Variants in GRIA3 observed in about 807,000 individuals in gnomAD.
GRIA3 encodes glutamate ionotropic receptor AMPA type subunit 3.
A neutral mutation model predicts 63.0 loss-of-function variants in GRIA3; 3 were observed. The observed-to-expected ratio is 0.05, with a 90% CI of 0.02 to 0.12. GRIA3 has a LOEUF of 0.12. Among genes scored for constraint, GRIA3 ranks in the 10% least tolerant of loss-of-function variants. The pLI, the probability that GRIA3 is intolerant of heterozygous loss-of-function variation, is 1.00. For synonymous variants in GRIA3, 274 were observed against 257.9 expected (o/e 1.06, Z -0.60); for missense variants, 347 against 700.9 (o/e 0.50, Z 5.70).
At chrX:123,298,124 A>G (rs752001346) in intron 3 of GRIA3, among the ~76,000 whole-genome samples, 6 of 110,864 alleles carry the variant, frequency 5.4e-5, no homozygotes, top group African/African-American at 9.8e-5. Context: ...TCTTTATCCA[A>G]TCTCTCTTTG....
At chrX:123,350,296 C>A (rs1264901839) in intron 4 of GRIA3, among the ~76,000 whole-genome samples, 1 of 104,708 alleles carries the variant, frequency 9.6e-6, no homozygotes, top group African/African-American at 3.5e-5. Flanking sequence ...ATACATAGAT[C>A]CTTTTTTGGC....
intron 11 of GRIA3, among the ~76,000 whole-genome samples, chrX:123,422,602 A>G (rs73553795): frequency 0.019 from 2,142 of 112,135 alleles, 51 homozygotes; most frequent in African/African-American, 0.064. Flanking sequence ...CACTAGATTC[A>G]CAATCTGCTT....
intron 5 of GRIA3, among the ~76,000 whole-genome samples, chrX:123,368,774 A>G (rs767465970): frequency 1.3e-3 from 84 of 66,605 alleles, no homozygotes; most frequent in African/African-American, 4.3e-3. Context: ...ACTGTAGATC[A>G]TAATACAAAA....
chrX:123,409,680 C>G (rs1013429768), intron 10 of GRIA3, among the ~76,000 whole-genome samples: 3 of 111,849 alleles, frequency 2.7e-5, no homozygotes, highest in Admixed American at 9.5e-5. Context: ...CACTTAAAAA[C>G]AGCATTTTTT....
In GRIA3 at chrX:123,490,548, G is replaced by T; in HGVS notation, c.*1838G>T. On this transcript the variant is annotated 3_prime_UTR_variant, in exon 16 of 16. Transcript: ENST00000620443. The stretch of plus-strand genomic sequence containing the variant: ...AATGTTTTCATAGGCACTGTATAAA[G>T]AAAAATGTATGTTTATTAACTCAAA... 1 of 112,409 alleles carries T rather than the reference G, an allele frequency of 8.9e-6. No individual in the cohort carries two copies. The highest frequency in any genetic ancestry group is 3.7e-4 in the South Asian group (1 of 2,723). The allele number at this position is 112,409 out of a possible 1,213,427, so 9.3% of individuals were successfully genotyped here.
At chrX:123,364,766 G>A (rs1455607624) in intron 5 of GRIA3, among the ~76,000 whole-genome samples, 2 of 112,590 alleles carry the variant, frequency 1.8e-5, no homozygotes, top group African/African-American at 3.2e-5. Context: ...TGTACACAAC[G>A]GAATACTATT....
intron 12 of GRIA3, among the ~76,000 whole-genome samples, chrX:123,447,227 A>G (rs1280010170): frequency 9.0e-6 from 1 of 111,467 alleles, no homozygotes; most frequent in African/African-American, 3.3e-5. Context: ...TACTACAAAT[A>G]CAAAAATTAG....
chrX:123,367,845 A>G (rs946739506), intron 5 of GRIA3, among the ~76,000 whole-genome samples: 1 of 112,328 alleles, frequency 8.9e-6, no homozygotes, highest in Non-Finnish European at 1.9e-5. Flanking sequence ...ACAAACTAAA[A>G]AGACTTAAGA....
At chrX:123,191,202 A>G (rs1927425285) in intron 2 of GRIA3, among the ~76,000 whole-genome samples, 1 of 112,713 alleles carries the variant, frequency 8.9e-6, no homozygotes, top group Non-Finnish European at 1.9e-5. Context: ...TCAAGCAAAT[A>G]ATCTGTATAC....
chrX:123,331,299 G>T (rs1976588221), intron 4 of GRIA3, among the ~76,000 whole-genome samples: 1 of 112,194 alleles, frequency 8.9e-6, no homozygotes, highest in Admixed American at 9.5e-5. Context: ...CCTTCAGGTA[G>T]ATTTCATTTC....
At chrX:123,335,201 A>T (rs962574830) in intron 4 of GRIA3, among the ~76,000 whole-genome samples, 1 of 110,833 alleles carries the variant, frequency 9.0e-6, no homozygotes, top group Admixed American at 9.7e-5. Context: ...CAGAGATGAT[A>T]GGAAGATTGA....
At chrX:123,343,589 AAGAC>A (rs1326136060) in intron 4 of GRIA3, among the ~76,000 whole-genome samples, 2 of 107,135 alleles carry the variant, frequency 1.9e-5, no homozygotes, top group Non-Finnish European at 3.8e-5. Context: ...GAGAGAGAGA[AAGAC>A]AGAGAGAGAG....
intron 12 of GRIA3, among the ~76,000 whole-genome samples, chrX:123,462,775 G>A (rs763506840): frequency 9.0e-6 from 1 of 111,722 alleles, no homozygotes; most frequent in East Asian, 2.8e-4. Flanking sequence ...AAGTTGGGGT[G>A]GGGGCCAGGA....
chrX:123,386,376 G>C (rs1475070205), intron 5 of GRIA3, among the ~76,000 whole-genome samples: 1 of 111,705 alleles, frequency 9.0e-6, no homozygotes, highest in Non-Finnish European at 1.9e-5. Context: ...TGGATGAATA[G>C]TTTACAAATA....
intron 3 of GRIA3, among the ~76,000 whole-genome samples, chrX:123,324,652 G>T (rs1024131535): frequency 3.6e-5 from 4 of 111,906 alleles, no homozygotes. Context: ...AATTTACTCT[G>T]ATCTGTAATT....
At chrX:123,279,892 C>T (rs1024223774) in intron 3 of GRIA3, among the ~76,000 whole-genome samples, 5 of 111,478 alleles carry the variant, frequency 4.5e-5, no homozygotes, top group South Asian at 3.8e-4. Flanking sequence ...CAAAGAAAGA[C>T]AAAATTATGT....
At chrX:123,313,267 G>A (rs1437248036) in intron 3 of GRIA3, among the ~76,000 whole-genome samples, 1 of 111,168 alleles carries the variant, frequency 9.0e-6, no homozygotes, top group African/African-American at 3.3e-5. Context: ...CCCCATTTTG[G>A]GTGTTTCCCA....
At chrX:123,251,026 A>G (rs770008969) in intron 2 of GRIA3, among the ~76,000 whole-genome samples, 3 of 111,825 alleles carry the variant, frequency 2.7e-5, no homozygotes, top group Non-Finnish European at 5.6e-5. Flanking sequence ...TAGCTAGAAC[A>G]GTTTTTTTGG....
chrX:123,296,548 C>A (rs749144422), intron 3 of GRIA3, among the ~76,000 whole-genome samples: 1 of 111,194 alleles, frequency 9.0e-6, no homozygotes, highest in East Asian at 2.8e-4. Flanking sequence ...ACGCTATGTT[C>A]CCTCAGAAAT....
Sources: gnomAD v4.1 joint callset for allele counts (sites outside exome capture counted in the v4.1 genomes callset) on GRCh38, gnomAD v4.1.1 for gene constraint, MANE v1.5 for transcripts, NCBI Gene and HGNC (gene_info 2026-07-23, HGNC 2026-07-21) for gene names.